YTHDC1: variants seen among roughly 807,000 people sequenced by gnomAD.
YTHDC1 encodes the protein YTH domain-containing protein 1.
YTHDC1 carries 12 observed loss-of-function variants against 107.0 expected under a neutral mutation model. The observed-to-expected ratio is 0.11, with a 90% CI of 0.07 to 0.18. YTHDC1 has a LOEUF of 0.18. Among genes scored for constraint, YTHDC1 ranks in the 10% least tolerant of loss-of-function variants. The pLI is 1.00. For missense variants in YTHDC1, 635 were observed against 898.8 expected, an observed-to-expected ratio of 0.71 and a Z score of 3.75; for synonymous variants, 280 against 289.5, an observed-to-expected ratio of 0.97 and a Z score of 0.33.
At chr4:68,330,762 G>A (rs1428062257) in intron 7 of YTHDC1, among the ~76,000 whole-genome samples, 1 of 151,970 alleles carries the variant, frequency 6.6e-6, no homozygotes, top group Non-Finnish European at 1.5e-5. Flanking sequence ...ATTTAAGTTC[G>A]TTTTTTAAAG....
At chr4:68,319,607 T>C (rs1449675644) in intron 12 of YTHDC1, among the ~76,000 whole-genome samples, 2 of 152,180 alleles carry the variant, frequency 1.3e-5, no homozygotes, top group Non-Finnish European at 2.9e-5. Context: ...TTCAAATACA[T>C]GATATCCCTT....
At chr4:68,344,675 T>C (rs944981013) in intron 1 of YTHDC1, among the ~76,000 whole-genome samples, 7 of 152,140 alleles carry the variant, frequency 4.6e-5, no homozygotes, top group Non-Finnish European at 1.5e-5. Flanking sequence ...ATACACAAAC[T>C]AATAGCAAAA....
At chr4:68,338,760 G>T (rs960826691) in intron 1 of YTHDC1, among the ~76,000 whole-genome samples, 1 of 152,226 alleles carries the variant, frequency 6.6e-6, no homozygotes, top group African/African-American at 2.4e-5. Flanking sequence ...TCAGGGACAA[G>T]AATCACTTGA....
intron 1 of YTHDC1, among the ~76,000 whole-genome samples, chr4:68,344,497 C>G (rs1486082366): frequency 6.6e-6 from 1 of 152,196 alleles, no homozygotes; most frequent in Non-Finnish European, 1.5e-5. Flanking sequence ...GTTGTCAGAT[C>G]TTCCACATTT....
Position 68,322,609 on chromosome 4 carries a change from G to A in YTHDC1, c.1601+140C>T. 1.9e-6 allele frequency: 2 copies of A among 1,028,726 alleles called. No homozygotes were observed. Among genetic ancestry groups the A allele is most frequent in the East Asian group, 5.3e-5 (2 of 37,504 alleles). 63.7% of individuals were successfully genotyped at this position (1,028,726 alleles called of 1,614,324 possible). On this transcript the variant is annotated intron_variant, in intron 11 of 16. Transcript: ENST00000344157. This position sits in a 1 kb window ranked among gnomAD's most constrained non-coding sequence, Gnocchi z 4.8. Reference sequence around the variant, plus strand: ...GTGACCATGTGAAATCCTCAATGAAGCCACAAACTAGTCCATGCAGCTTGA... The same window carrying A: ...GTGACCATGTGAAATCCTCAATGAAACCACAAACTAGTCCATGCAGCTTGA...
At chr4:68,334,537 A>G (rs1190183754) in intron 4 of YTHDC1, among the ~76,000 whole-genome samples, 1 of 152,128 alleles carries the variant, frequency 6.6e-6, no homozygotes, top group Non-Finnish European at 1.5e-5. Context: ...GTTTTATACT[A>G]TTTTTGAAAG....
Position 68,337,193 on chromosome 4 carries a change from TTCCTCCTCC to T in YTHDC1, c.708_716del (p.Glu247_Glu249del). 1 of 1,575,026 alleles carries T rather than the reference TTCCTCCTCC, an allele frequency of 6.3e-7. No homozygotes were observed. Among genetic ancestry groups the T allele is most frequent in the East Asian group, 2.2e-5 (1 of 44,590 alleles). On this transcript the variant is annotated inframe_deletion, in exon 4 of 17. Transcript: ENST00000344157. The stretch of plus-strand genomic sequence containing the variant: ...CTTCTTCCTCCTCCTCCTCCTCCTC[TTCCTCCTCC>T]TCCTCTTCCTCCTCCTCCTCTCCAT...
Position 68,337,592 on chromosome 4 carries a change from G to T in YTHDC1, c.439C>A (p.Pro147Thr). ...ACTACCTCAGAACCATCTGGCGTAG[G>T]AGATTTGGCCCTCCTTTCAGGATCC... ...KRDPERRAKSPTPDGSERIGL... is the reference protein window; with the variant it reads ...KRDPERRAKSTTPDGSERIGL... Residue 147 changes from proline (P) to threonine (T), a missense_variant, in exon 3 of 17, where the codon CCT becomes ACT. Pro to Thr is a conservative substitution (Grantham distance 38). Coordinates refer to ENST00000344157, the MANE Select transcript of YTHDC1 (RefSeq NM_001031732.4). The T allele has an allele frequency of 1.2e-6, 2 of 1,609,640 alleles. No individual in the cohort carries two copies. Among genetic ancestry groups the T allele is most frequent in the African/African-American group, 2.7e-5 (2 of 74,432 alleles).
chr4:68,319,692 G>A (rs1020145151), intron 12 of YTHDC1, among the ~76,000 whole-genome samples: 3 of 152,012 alleles, frequency 2.0e-5, no homozygotes, highest in African/African-American at 7.2e-5. Context: ...ATTACATACC[G>A]AGTATTTCCC....
At chr4:68,349,630 A>AC in intron 1 of YTHDC1, 96 bp downstream of exon 1, 4 of 153,362 alleles carry the variant, frequency 2.6e-5, no homozygotes, top group South Asian at 8.9e-5. Context: ...TAACCTCCCC[A>AC]ACCCCCACCC....
At chr4:68,338,143 T>G in intron 2 of YTHDC1, 140 bp downstream of exon 2, 4 of 1,272,632 alleles carry the variant, frequency 3.1e-6, no homozygotes, top group Non-Finnish European at 4.3e-6. Context: ...CCTATTCATA[T>G]GGATACCAGT....
At chr4:68,328,929 T>G (rs751419720) in intron 9 of YTHDC1, among the ~76,000 whole-genome samples, 1 of 152,228 alleles carries the variant, frequency 6.6e-6, no homozygotes, top group African/African-American at 2.4e-5. Context: ...AAAATACTTG[T>G]GTATCTAAAC....
At chr4:68,335,453 T>C (rs1445639010) in intron 4 of YTHDC1, among the ~76,000 whole-genome samples, 1 of 152,152 alleles carries the variant, frequency 6.6e-6, no homozygotes, top group African/African-American at 2.4e-5. Context: ...ACAGTTACCA[T>C]TTAATTTGAA....
Position 68,320,173 on chromosome 4 carries a change from C to A in YTHDC1, c.1634G>T (p.Ser545Ile), listed in dbSNP as rs1027396223. 1 of 1,610,516 alleles carries A rather than the reference C, an allele frequency of 6.2e-7. No individual in the cohort carries two copies. Among genetic ancestry groups the A allele is most frequent in the Non-Finnish European group, 8.5e-7 (1 of 1,179,114 alleles). Residue 545 changes from serine (S) to isoleucine (I), a missense_variant, in exon 12 of 17, where the codon AGC becomes ATC. Ser to Ile is a moderately radical substitution (Grantham distance 142). Coordinates refer to ENST00000344157, the MANE Select transcript of YTHDC1 (RefSeq NM_001031732.4). ...RRPEDYDIHN[S>I]RKKPRIDYPP... ...ATAGTCAATCCTTGGTTTCTTTCTG[C>A]TGTTATGAATATCATAATCTTCTGG...
chr4:68,317,470 CAT>C (rs1213791510), intron 15 of YTHDC1, among the ~76,000 whole-genome samples: 10 of 151,926 alleles, frequency 6.6e-5, no homozygotes, highest in Non-Finnish European at 1.2e-4. Flanking sequence ...TAAAAAAAGA[CAT>C]AAATTAAAAT....
In YTHDC1 at chr4:68,319,540, G is replaced by A. The variant is rs531867570; in HGVS notation, c.1684+583C>T. On this transcript the variant is annotated intron_variant, in intron 12 of 16. Coordinates refer to ENST00000344157, the MANE Select transcript of YTHDC1 (RefSeq NM_001031732.4). ...ACTTGTTACATAATAGTGCTATAAT[G>A]ATCACTAACATCAATCTCCTAACTG... is the stretch of plus-strand genomic sequence containing the variant. Among the ~76,000 whole-genome samples the A allele has an allele frequency of 8.5e-4, 130 of 152,238 alleles. 1 individual carries two copies. Among genetic ancestry groups the A allele is most frequent in the Non-Finnish European group, 1.6e-3 (111 of 67,974 alleles).
At chr4:68,341,715 T>A (rs1171461415) in intron 1 of YTHDC1, among the ~76,000 whole-genome samples, 1 of 152,148 alleles carries the variant, frequency 6.6e-6, no homozygotes, top group East Asian at 1.9e-4. Flanking sequence ...CTTTTCTCCA[T>A]CACTGAAACT....
chr4:68,349,642 C>CAA, intron 1 of YTHDC1, 84 bp downstream of exon 1: 1 of 396,688 alleles, frequency 2.5e-6, no homozygotes, highest in South Asian at 1.9e-5. Flanking sequence ...CCCCCACCCC[C>CAA]CACCCCCAAC....
chr4:68,333,188 A>G, intron 5 of YTHDC1, 120 bp downstream of exon 5: 1 of 716,838 alleles, frequency 1.4e-6, no homozygotes, highest in East Asian at 2.6e-5. Flanking sequence ...ATTACACTGA[A>G]CATGCCAAAA....
Sources: allele counts gnomAD v4.1 joint callset (sites outside exome capture counted in the v4.1 genomes callset), GRCh38; gene constraint gnomAD v4.1.1; non-coding constraint Gnocchi (gnomAD v3.1); transcripts MANE v1.5; gene names NCBI Gene and HGNC (gene_info 2026-07-23, HGNC 2026-07-21).